The following ELFN1 variants were observed in gnomAD, a reference collection of about 807,000 sequenced individuals.
The protein encoded by ELFN1 is extracellular leucine rich repeat and fibronectin type III domain containing 1.
In ELFN1, 6 loss-of-function variants were observed where a neutral mutation model predicts 7.6. The observed-to-expected ratio is 0.79, with a 90% CI of 0.43 to 1.56. ELFN1 has a LOEUF of 1.56. ELFN1 is among the 40% of genes most tolerant of loss of function. The pLI is 0.01. For missense variants in ELFN1, 1,169 were observed against 1,232.2 expected (o/e 0.95, Z 0.77); for synonymous variants, 657 against 588.1 (o/e 1.12, Z -1.70).
At position 1,746,279 on chromosome 7, in the gene ELFN1, G is replaced by C. The variant is rs1271254512; in HGVS notation, c.1683G>C (p.Glu561Asp). ...SVAEISTIAK[E>D]VDKVNQIINN... ...CCGAGATCTCCACCATCGCCAAGGA[G>C]GTGGACAAGGTCAACCAGATCATCA... Residue 561 changes from glutamate to aspartate, a missense_variant, in exon 4 of 4, where the codon GAG becomes GAC. This residue lies in a region of ELFN1 where 914 missense variants were observed against 872.6 expected (regional missense o/e 1.05). Transcript: ENST00000424383. 6.3e-7 allele frequency: 1 copy of C among 1,596,092 alleles called. No individual in the cohort carries two copies. Among genetic ancestry groups the C allele is most frequent in the Non-Finnish European group, 8.5e-7 (1 of 1,172,486 alleles).
At chr7:1,693,650 C>T (rs757420628) in intron 2 of ELFN1, 2 of 471,120 alleles carry the variant, frequency 4.2e-6, no homozygotes, top group Non-Finnish European at 8.8e-6. Flanking sequence ...TGAACACATG[C>T]AGGTGAGCAC....
Position 1,746,664 on chromosome 7 carries a change from C to T in ELFN1, c.2068C>T (p.Leu690=). Reference sequence around the variant, plus strand: ...CACTGTGACACCCGCGGCCGCCGTGCTGCGGGCCGAGGCCGAGAAGGGTCG... The same window carrying T: ...CACTGTGACACCCGCGGCCGCCGTGTTGCGGGCCGAGGCCGAGAAGGGTCG... ...ILTVTPAAAV[L]RAEAEKGRQY... The change falls in exon 4 of 4, where the codon CTG becomes TTG. Residue 690 remains leucine (L), a synonymous_variant. Transcript: ENST00000424383. 1 of 1,379,754 alleles carries T rather than the reference C, an allele frequency of 7.2e-7. No homozygotes were observed. Among genetic ancestry groups the T allele is most frequent in the Non-Finnish European group, 9.3e-7 (1 of 1,073,014 alleles). The allele number at this position is 1,379,754 out of a possible 1,614,324, so 85.5% of individuals were successfully genotyped here.
At position 1,744,657 on chromosome 7, in the gene ELFN1, G is replaced by A. The variant is rs1388481654; in HGVS notation, c.61G>A (p.Ala21Thr). ...VCVAAATLLH[A>T]GGLARADCWL... is the part of the protein sequence containing the mutation. ...CGTGGCGGCCGCCACCCTGCTGCAC[G>A]CTGGCGGCCTGGCCCGCGCAGACTG... Residue 21 changes from alanine (A) to threonine (T), a missense_variant, in exon 4 of 4, where the codon GCT (alanine) becomes ACT (threonine). Coordinates refer to ENST00000424383, the MANE Select transcript of ELFN1 (RefSeq NM_001128636.4). 5.8e-6 allele frequency: 9 copies of A among 1,550,394 alleles called. No homozygotes were observed. The highest frequency in any genetic ancestry group is 4.9e-5 in the East Asian group (2 of 40,894).
At chr7:1,684,934 A>G (rs116790539) in intron 1 of ELFN1, among the ~76,000 whole-genome samples, 3,981 of 152,254 alleles carry the variant, frequency 0.026, 177 homozygotes, top group African/African-American at 0.091. Flanking sequence ...CTATGTATTT[A>G]CCATTTCTGG....
At chr7:1,712,304 T>A (rs754503283) in intron 3 of ELFN1, among the ~76,000 whole-genome samples, 6 of 152,054 alleles carry the variant, frequency 3.9e-5, no homozygotes, top group Non-Finnish European at 5.9e-5. Context: ...GTATTTTTAG[T>A]AGAGACGGGG....
At chr7:1,686,602 C>A (rs573257880) in intron 1 of ELFN1, among the ~76,000 whole-genome samples, 1 of 152,166 alleles carries the variant, frequency 6.6e-6, no homozygotes, top group African/African-American at 2.4e-5. Flanking sequence ...TTGAGCCAGT[C>A]AGGCCTACAC....
At chr7:1,743,888 C>T (rs1177530636) in intron 3 of ELFN1, among the ~76,000 whole-genome samples, 1 of 152,224 alleles carries the variant, frequency 6.6e-6, no homozygotes, top group African/African-American at 2.4e-5. Context: ...ACTCCTCAGC[C>T]AAGCGACTTT....
Position 1,735,765 on chromosome 7 carries a change from C to T in ELFN1, c.-293-8539C>T, listed in dbSNP as rs1383106136. Among the ~76,000 whole-genome samples the T allele has an allele frequency of 2.6e-5, 4 of 152,148 alleles. No individual in the cohort carries two copies. The highest frequency in any genetic ancestry group is 5.9e-5 in the Non-Finnish European group (4 of 68,012). ...CCATACTGCCTTGCACTCACCTTCCCTCCCCTACTGAGGAGGAAATGAGTG... is the reference window on the plus strand; with the variant it reads ...CCATACTGCCTTGCACTCACCTTCCTTCCCCTACTGAGGAGGAAATGAGTG... On this transcript the variant is annotated intron_variant, in intron 3 of 3. Coordinates refer to ENST00000424383, the MANE Select transcript of ELFN1 (RefSeq NM_001128636.4). This position sits in a 1 kb window ranked among gnomAD's most constrained non-coding sequence, Gnocchi z 5.9.
At chr7:1,666,312 G>A (rs1177678213), upstream of ELFN1, among the ~76,000 whole-genome samples, 1 of 151,800 alleles carries the variant, frequency 6.6e-6, no homozygotes, top group Non-Finnish European at 1.5e-5. This position sits in a 1 kb window ranked among gnomAD's most constrained non-coding sequence, Gnocchi z 7.9. Flanking sequence ...GCAGCGCAGG[G>A]TCCCCAGCGG....
chr7:1,686,059 C>T (rs905356347), intron 1 of ELFN1, among the ~76,000 whole-genome samples: 36 of 147,100 alleles, frequency 2.4e-4, no homozygotes, highest in Non-Finnish European at 4.3e-4. Flanking sequence ...TTTCCATTGA[C>T]TTTTTTTTTT....
Position 1,747,302 on chromosome 7 carries a change from CCACA to C in ELFN1, c.*249_*252del, listed in dbSNP as rs143376319. 2.7e-3 allele frequency: 737 copies of C among 270,146 alleles called. 6 individuals are homozygous for C. The highest frequency in any genetic ancestry group is 0.015 in the African/African-American group (491 of 31,920). 16.7% of individuals were successfully genotyped at this position (270,146 alleles called of 1,614,324 possible). A position where few individuals can be genotyped will look rare whatever the true frequency, so the allele number is the denominator to read the frequency against. ...GCTTGTCGCCCCGGGTGGCACGTGT[CCACA>C]CACACACACACACACACACACACAC... On this transcript the variant is annotated 3_prime_UTR_variant, in exon 4 of 4. Coordinates refer to ENST00000424383, the MANE Select transcript of ELFN1 (RefSeq NM_001128636.4).
chr7:1,716,525 C>T (rs951027920), intron 3 of ELFN1, among the ~76,000 whole-genome samples: 50 of 152,348 alleles, frequency 3.3e-4, no homozygotes, highest in Middle Eastern at 3.4e-3. Context: ...GTGCCCCAGG[C>T]TGGCCCGGCT....
At chr7:1,736,292 C>T (rs1780439486) in intron 3 of ELFN1, among the ~76,000 whole-genome samples, 1 of 152,206 alleles carries the variant, frequency 6.6e-6, no homozygotes, top group Admixed American at 6.5e-5. Flanking sequence ...GTCTGGCCCT[C>T]CGCCCACCTT....
chr7:1,700,114 T>G (rs1455217261), intron 2 of ELFN1, among the ~76,000 whole-genome samples: 1 of 152,248 alleles, frequency 6.6e-6, no homozygotes, highest in Non-Finnish European at 1.5e-5. Flanking sequence ...TCTCTCCTTC[T>G]GGTAGGTTCT....
chr7:1,697,811 G>T (rs1469792056), intron 2 of ELFN1, among the ~76,000 whole-genome samples: 1 of 152,154 alleles, frequency 6.6e-6, no homozygotes, highest in Non-Finnish European at 1.5e-5. Flanking sequence ...GAGAGACAGG[G>T]TCTCTCTCTT....
intron 3 of ELFN1, among the ~76,000 whole-genome samples, chr7:1,716,993 GAT>G (rs1481519688): frequency 6.6e-6 from 1 of 152,232 alleles, no homozygotes; most frequent in Non-Finnish European, 1.5e-5. Flanking sequence ...GATCTGGAAA[GAT>G]GTGGCCCAGA....
chr7:1,745,384 C>G lies in ELFN1; in HGVS notation c.788C>G (p.Pro263Arg), dbSNP rs981089470. The G allele has an allele frequency of 2.6e-6, 4 of 1,538,812 alleles. No individual in the cohort carries two copies. The African/African-American group carries it at 5.5e-5, about 21-fold the overall frequency. ...TACGCGGCTGAGGTGGTCGGGCCCC[C>G]ACGTCCAGCATCCGGGCGCTCACAG... ...DSYAAEVVGPPRPASGRSQPG... is the reference protein window; with the variant it reads ...DSYAAEVVGPRRPASGRSQPG... Residue 263 changes from proline (P) to arginine (R), a missense_variant, in exon 4 of 4, where the codon CCA becomes CGA. Pro to Arg is a moderately radical substitution (Grantham distance 103). Around this residue, in one of 2 missense-constraint regions of ELFN1, gnomAD observed 914 missense variants for 872.6 expected, o/e 1.05. Coordinates refer to ENST00000424383, the MANE Select transcript of ELFN1 (RefSeq NM_001128636.4).
At chr7:1,727,813 G>A (rs1780237357) in intron 3 of ELFN1, among the ~76,000 whole-genome samples, 1 of 152,088 alleles carries the variant, frequency 6.6e-6, no homozygotes, top group Non-Finnish European at 1.5e-5. Context: ...TTGCTTTGTT[G>A]CCCAGTCGGA....
chr7:1,746,394 C>T lies in ELFN1; in HGVS notation c.1798C>T (p.Leu600=). The change falls in exon 4 of 4, where the codon CTG becomes TTG. Residue 600 remains leucine, a synonymous_variant. Transcript: ENST00000424383. ...PVSVAEPPLV[L]LSEPLAAKHG... ...GTCCGTCGCGGAGCCGCCGCTGGTG[C>T]TGCTGTCCGAGCCGCTGGCCGCCAA... The T allele has an allele frequency of 6.5e-7, 1 of 1,536,128 alleles. No individual in the cohort carries two copies.
Sources: allele counts gnomAD v4.1 joint callset (sites outside exome capture counted in the v4.1 genomes callset), GRCh38; gene constraint gnomAD v4.1.1; regional missense constraint gnomAD v4.1.1; non-coding constraint Gnocchi (gnomAD v3.1); transcripts MANE v1.5; gene names NCBI Gene and HGNC (gene_info 2026-07-23, HGNC 2026-07-21).